The following RIMKLB variants were observed in gnomAD, a reference collection of about 807,000 sequenced individuals.
The protein encoded by RIMKLB is ribosomal modification protein rimK like family member B.
In RIMKLB, 7 loss-of-function variants were observed where a neutral mutation model predicts 32.0. The observed-to-expected ratio is 0.22, with a 90% CI of 0.12 to 0.41. The LOEUF (loss-of-function observed/expected upper bound fraction) is 0.41, where lower values mean the gene tolerates loss of function less well. Ranked by LOEUF, RIMKLB falls within the 10% of genes least tolerant of loss-of-function variation. RIMKLB has a pLI of 1.00. For missense variants in RIMKLB, 289 were observed against 498.7 expected (o/e 0.58, Z 4.00); for synonymous variants, 172 against 185.1 (o/e 0.93, Z 0.57).
intron 1 of RIMKLB, among the ~76,000 whole-genome samples, chr12:8,706,444 C>CT (rs1199005342): frequency 0.012 from 1,173 of 95,172 alleles, 32 homozygotes; most frequent in East Asian, 0.037. Context: ...CACGCCTGGA[C>CT]TTTTTTTTTT....
At chr12:8,742,010 C>T (rs965193088) in intron 2 of RIMKLB, among the ~76,000 whole-genome samples, 14 of 150,570 alleles carry the variant, frequency 9.3e-5, no homozygotes, top group Admixed American at 2.0e-4. Flanking sequence ...AAGCAATTCT[C>T]GTGCCTCAGC....
chr12:8,708,133 TACAG>T (rs1332041395), intron 1 of RIMKLB, among the ~76,000 whole-genome samples: 1 of 152,222 alleles, frequency 6.6e-6, no homozygotes, highest in Non-Finnish European at 1.5e-5. Flanking sequence ...TAGAGTTCTA[TACAG>T]ATTCTATTGT....
the RIMKLB span, chr12:8,669,156 G>C: frequency 6.4e-6 from 1 of 155,398 alleles, no homozygotes; most frequent in Non-Finnish European, 1.4e-5. Context: ...AGGGACACAG[G>C]GTTCGTCCAC....
At chr12:8,698,573 G>C (rs1266522161) in intron 1 of RIMKLB, among the ~76,000 whole-genome samples, 1 of 152,178 alleles carries the variant, frequency 6.6e-6, no homozygotes, top group Non-Finnish European at 1.5e-5. Context: ...GCCGTGTCGA[G>C]GGGGCGGCGA....
the RIMKLB span, among the ~76,000 whole-genome samples, chr12:8,670,026 CAAAAAAAAAAAAAAAA>C: frequency 1.3e-3 from 48 of 36,946 alleles, no homozygotes; most frequent in Non-Finnish European, 2.4e-3. Flanking sequence ...GACTCCGTCT[CAAAAAAAAAAAAAAAA>C]AAAAAAAAAG....
At chr12:8,771,200 T>C (rs920812572) in intron 5 of RIMKLB, among the ~76,000 whole-genome samples, 7 of 152,154 alleles carry the variant, frequency 4.6e-5, no homozygotes, top group African/African-American at 1.7e-4. Context: ...ACTAGTAGAC[T>C]GAGTAGGGAA....
In RIMKLB at chr12:8,736,517, CT is replaced by C. The variant is rs1157484475; in HGVS notation, c.176-13326del. On this transcript the variant is annotated intron_variant, in intron 2 of 5. Coordinates refer to ENST00000535829, the MANE Select transcript of RIMKLB (RefSeq NM_001297776.2). ...CCCCAAATTCTTAAGCATGTATTTCCTTTTTTTTTTTTTTTTTTTGACGGGT... is the reference window on the plus strand; with the variant it reads ...CCCCAAATTCTTAAGCATGTATTTCCTTTTTTTTTTTTTTTTTTGACGGGT... Among the ~76,000 whole-genome samples, 420 of 126,738 alleles carry C rather than the reference CT, an allele frequency of 3.3e-3. 1 individual carries two copies. The highest frequency in any genetic ancestry group is 7.2e-3 in the East Asian group (33 of 4,590). The allele number at this position is 126,738 out of a possible 152,430, so 83.1% of individuals were successfully genotyped here. A position where few individuals can be genotyped will look rare whatever the true frequency, so the allele number is the denominator to read the frequency against.
In RIMKLB at chr12:8,698,028, T is replaced by G; in HGVS notation, c.-326T>G. ...TGAGGGAACGAGGAGCGGCCGGGTG[T>G]GAGTGTGTGGGAGTGAGAGTGTGTG... On this transcript the variant is annotated 5_prime_UTR_variant, in exon 1 of 6. Coordinates refer to ENST00000535829, the MANE Select transcript of RIMKLB (RefSeq NM_001297776.2). 5.6e-6 allele frequency: 1 copy of G among 179,038 alleles called. No homozygotes were observed. The highest frequency in any genetic ancestry group is 1.2e-5 in the Non-Finnish European group (1 of 82,646). The allele number at this position is 179,038 out of a possible 1,614,324, so 11.1% of individuals were successfully genotyped here. A position where few individuals can be genotyped will look rare whatever the true frequency, so the allele number is the denominator to read the frequency against.
chr12:8,716,284 C>G (rs1438421811), intron 2 of RIMKLB, among the ~76,000 whole-genome samples: 2 of 152,148 alleles, frequency 1.3e-5, no homozygotes, highest in Non-Finnish European at 2.9e-5. Context: ...TGAACATTTT[C>G]ACTTTATTCT....
intron 2 of RIMKLB, among the ~76,000 whole-genome samples, chr12:8,736,163 T>C (rs2137393770): frequency 6.6e-6 from 1 of 152,318 alleles, no homozygotes; most frequent in South Asian, 2.1e-4. Flanking sequence ...GTTAGTTCTA[T>C]TTTAGTTTTA....
rs60066068 is a variant in RIMKLB, at chr12:8,743,354, C to CAAAAA, written c.176-6489_176-6485dup. Among the ~76,000 whole-genome samples the CAAAAA allele has an allele frequency of 3.2e-3, 209 of 65,176 alleles. 4 individuals carry two copies. The highest frequency in any genetic ancestry group is 0.011 in the African/African-American group (198 of 17,454). The allele number at this position is 65,176 out of a possible 152,430, so 42.8% of individuals were successfully genotyped here. On this transcript the variant is annotated intron_variant, in intron 2 of 5. Coordinates refer to ENST00000535829, the MANE Select transcript of RIMKLB (RefSeq NM_001297776.2). Reference sequence around the variant, plus strand: ...GGGTGACAGAGCCAAGAGTCTGTCTCAAAAAAAAAAAAAAAAAAAAAAATT... The same window carrying CAAAAA: ...GGGTGACAGAGCCAAGAGTCTGTCTCAAAAAAAAAAAAAAAAAAAAAAAAAAAATT...
chr12:8,711,400 G>T lies in RIMKLB; in HGVS notation c.-56-2411G>T, dbSNP rs765639879. ...GGTGACTGAAACCATGTCTCAGAAA[G>T]AAAAAAAAAATCATCTGCAAACGGA... On this transcript the variant is annotated intron_variant, in intron 1 of 5. Transcript: ENST00000535829. 4.7e-5 allele frequency among the ~76,000 whole-genome samples: 7 copies of T among 149,066 alleles called. No individual in the cohort carries two copies. The East Asian group carries it at 1.4e-3, about 29-fold the overall frequency.
At chr12:8,674,581 G>A in the RIMKLB span, among the ~76,000 whole-genome samples, 12 of 151,530 alleles carry the variant, frequency 7.9e-5, no homozygotes, top group Admixed American at 7.9e-4. Flanking sequence ...CCGGCGTCTC[G>A]CCCTGTTGCC....
chr12:8,775,138 TAC>T lies in RIMKLB; in HGVS notation c.*1356_*1357del. The T allele has an allele frequency of 1.0e-6, 1 of 985,754 alleles. No homozygotes were observed. Among genetic ancestry groups the T allele is most frequent in the South Asian group, 4.7e-5 (1 of 21,286 alleles). The allele number at this position is 985,754 out of a possible 1,614,324, so 61.1% of individuals were successfully genotyped here. ...CCTTTTGTTTCTAGCCTGTTCAGTG[TAC>T]AGTTTATTCAAGGCTACATGCTTTT... On this transcript the variant is annotated 3_prime_UTR_variant, in exon 6 of 6. Coordinates refer to ENST00000535829, the MANE Select transcript of RIMKLB (RefSeq NM_001297776.2).
chr12:8,744,938 T>C (rs1430061203), intron 2 of RIMKLB, among the ~76,000 whole-genome samples: 2 of 151,972 alleles, frequency 1.3e-5, no homozygotes, highest in African/African-American at 4.9e-5. Flanking sequence ...GTTGGTTTGC[T>C]GCACCCATCA....
At chr12:8,707,883 C>G (rs1221231524) in intron 1 of RIMKLB, among the ~76,000 whole-genome samples, 1 of 152,160 alleles carries the variant, frequency 6.6e-6, no homozygotes, top group African/African-American at 2.4e-5. Flanking sequence ...TCCCGTGATT[C>G]CTATCCAAGA....
At chr12:8,761,804 A>T (rs762511045) in intron 5 of RIMKLB, among the ~76,000 whole-genome samples, 4 of 152,172 alleles carry the variant, frequency 2.6e-5, no homozygotes, top group African/African-American at 9.6e-5. Flanking sequence ...GACTGCTTTT[A>T]ACTGCTTCCT....
chr12:8,691,748 A>C (rs1264630749), intron 1 of RIMKLB, among the ~76,000 whole-genome samples: 2 of 152,352 alleles, frequency 1.3e-5, no homozygotes, highest in South Asian at 4.1e-4. Flanking sequence ...TCCCCAGTCT[A>C]AGTCTTTCAT....
At chr12:8,722,296 T>C (rs1213352035) in intron 2 of RIMKLB, among the ~76,000 whole-genome samples, 1 of 152,188 alleles carries the variant, frequency 6.6e-6, no homozygotes, top group Non-Finnish European at 1.5e-5. Context: ...AAAATAATGT[T>C]AATCTTTTTA....
Sources: gnomAD v4.1 joint callset for allele counts (sites outside exome capture counted in the v4.1 genomes callset) on GRCh38, gnomAD v4.1.1 for gene constraint, MANE v1.5 for transcripts, NCBI Gene and HGNC (gene_info 2026-07-23, HGNC 2026-07-21) for gene names.